SLC22A24: variants seen among roughly 807,000 people sequenced by gnomAD.
SLC22A24 encodes the protein solute carrier family 22 member 24.
In SLC22A24, 53 loss-of-function variants were observed where a neutral mutation model predicts 49.8. That is an observed-to-expected ratio of 1.06 (90% confidence interval 0.85 to 1.34). SLC22A24 has a LOEUF of 1.34. Among genes scored for constraint, SLC22A24 ranks in the 40% most tolerant of loss-of-function variants. SLC22A24 has a pLI of 0.00. For synonymous variants in SLC22A24, 302 were observed against 256.4 expected (o/e 1.18, Z -1.70); for missense variants, 786 against 675.9 (o/e 1.16, Z -1.81).
chr11:63,139,478 A>G (rs1156822767), intron 1 of SLC22A24, among the ~76,000 whole-genome samples: 2 of 152,172 alleles, frequency 1.3e-5, no homozygotes, highest in African/African-American at 2.4e-5. Flanking sequence ...GGGGATGGCT[A>G]ATAGTAGTTA....
At position 63,119,069 on chromosome 11, in the gene SLC22A24, T is replaced by A; in HGVS notation, c.673A>T (p.Thr225Ser). Residue 225 changes from threonine to serine, a missense_variant, in exon 4 of 10, where the codon ACA becomes TCA. Coordinates refer to ENST00000612278, the MANE Select transcript of SLC22A24 (RefSeq NM_001136506.2). ...GNTFILSLEW[T>S]LPRSRSMTIM... ...GTCATAGATCGTGACCGGGGCAATG[T>A]CCACTCTAAGCCTGGAAGAAAACAT... 6.5e-7 allele frequency: 1 copy of A among 1,549,308 alleles called. No individual in the cohort carries two copies. Among genetic ancestry groups the A allele is most frequent in the Non-Finnish European group, 8.7e-7 (1 of 1,145,258 alleles).
chr11:63,132,284 A>G (rs1208932553), intron 2 of SLC22A24, among the ~76,000 whole-genome samples: 2 of 152,162 alleles, frequency 1.3e-5, no homozygotes. Context: ...TACTTCTGTC[A>G]ACTTGTCAAA....
At chr11:63,081,893 T>G (rs17157742) in intron 7 of SLC22A24, among the ~76,000 whole-genome samples, 4,074 of 152,274 alleles carry the variant, frequency 0.027, 173 homozygotes, top group African/African-American at 0.093. Flanking sequence ...TTCAACTCTT[T>G]CTGCACATTT....
At chr11:63,123,872 C>T (rs1027423629) in intron 2 of SLC22A24, among the ~76,000 whole-genome samples, 1 of 152,150 alleles carries the variant, frequency 6.6e-6, no homozygotes. Flanking sequence ...ACTATTTCAA[C>T]AGCCTTTTAA....
chr11:63,092,000 A>G (rs2087023355), intron 6 of SLC22A24, among the ~76,000 whole-genome samples: 3 of 152,284 alleles, frequency 2.0e-5, no homozygotes, highest in Middle Eastern at 3.4e-3. Context: ...TATTTAGAAA[A>G]CCCCATCATC....
At chr11:63,106,145 T>C (rs1276896416) in intron 4 of SLC22A24, among the ~76,000 whole-genome samples, 2 of 143,038 alleles carry the variant, frequency 1.4e-5, no homozygotes, top group African/African-American at 5.2e-5. Context: ...TGTGTTCTCA[T>C]TGTTCAATTC....
chr11:63,089,031 C>T (rs201662650), intron 6 of SLC22A24, among the ~76,000 whole-genome samples: 1 of 152,132 alleles, frequency 6.6e-6, no homozygotes, highest in Non-Finnish European at 1.5e-5. Flanking sequence ...CTTCCCCAAC[C>T]TAGCAAGACA....
intron 2 of SLC22A24, among the ~76,000 whole-genome samples, chr11:63,127,519 G>T (rs563351140): frequency 6.6e-6 from 1 of 152,200 alleles, no homozygotes; most frequent in African/African-American, 2.4e-5. Context: ...GGGTCAAATG[G>T]TACTTCTAGT....
rs369807279 is a variant in SLC22A24 at position 63,080,870 on chromosome 11, A to G, written c.1598+50T>C. On this transcript the variant is annotated intron_variant, in intron 9 of 9. Transcript: ENST00000612278. Reference sequence around the variant, plus strand: ...CGTTGACCTTTCTCATTAAACAGCTACAGCACATAGCCACTCCCCACTCAA... The same window carrying G: ...CGTTGACCTTTCTCATTAAACAGCTGCAGCACATAGCCACTCCCCACTCAA... 9 of 1,479,632 alleles carry G rather than the reference A, an allele frequency of 6.1e-6. No individual in the cohort carries two copies. The African/African-American group carries it at 1.1e-4, about 18-fold the overall frequency. 91.7% of individuals were successfully genotyped at this position (1,479,632 alleles called of 1,614,324 possible). A position where few individuals can be genotyped will look rare whatever the true frequency, so the allele number is the denominator to read the frequency against.
chr11:63,113,191 CAT>C (rs369087892), intron 4 of SLC22A24, among the ~76,000 whole-genome samples: 58 of 4,312 alleles, frequency 0.013, 18 homozygotes, highest in Admixed American at 0.034. Context: ...TATATATACA[CAT>C]ATATATATAC....
chr11:63,131,102 CT>C (rs899341131), intron 2 of SLC22A24, among the ~76,000 whole-genome samples: 1 of 151,598 alleles, frequency 6.6e-6, no homozygotes, highest in Non-Finnish European at 1.5e-5. Flanking sequence ...GCAACCCCTG[CT>C]TTTTTTTGCT....
intron 1 of SLC22A24, among the ~76,000 whole-genome samples, chr11:63,141,491 T>A (rs1294997564): frequency 1.3e-5 from 2 of 152,196 alleles, no homozygotes; most frequent in South Asian, 2.1e-4. Flanking sequence ...TTGTAAAGAA[T>A]CAAAGTTGAC....
chr11:63,096,128 C>A (rs1374479813), intron 5 of SLC22A24, 22 bp from the exon 6 acceptor site: 12 of 1,465,142 alleles, frequency 8.2e-6, no homozygotes, highest in Non-Finnish European at 1.1e-5. Flanking sequence ...AAAATAACAA[C>A]AAGCATTTGT....
chr11:63,086,759 A>G (rs1407475535), intron 6 of SLC22A24, among the ~76,000 whole-genome samples: 1 of 152,208 alleles, frequency 6.6e-6, no homozygotes, highest in Non-Finnish European at 1.5e-5. Context: ...TAAAAATACA[A>G]TATCTCAAAA....
chr11:63,093,440 C>A (rs2087033129), intron 6 of SLC22A24, among the ~76,000 whole-genome samples: 1 of 152,088 alleles, frequency 6.6e-6, no homozygotes. Flanking sequence ...TTGGAACCAA[C>A]CCAAAGACCC....
chr11:63,112,888 G>A (rs774093282), intron 4 of SLC22A24, among the ~76,000 whole-genome samples: 1 of 150,596 alleles, frequency 6.6e-6, no homozygotes, highest in Non-Finnish European at 1.5e-5. Flanking sequence ...GGTGATGAGT[G>A]CCTGTAGTCC....
intron 2 of SLC22A24, among the ~76,000 whole-genome samples, chr11:63,127,921 T>C (rs2087303877): frequency 6.6e-6 from 1 of 152,096 alleles, no homozygotes; most frequent in Non-Finnish European, 1.5e-5. Context: ...AGGTTGCCTG[T>C]TCACTCTGAT....
At chr11:63,095,042 A>G (rs1189819074) in intron 6 of SLC22A24, among the ~76,000 whole-genome samples, 2 of 152,162 alleles carry the variant, frequency 1.3e-5, no homozygotes, top group African/African-American at 4.8e-5. Context: ...TGTTTTAGAC[A>G]TGAAGTCCTT....
At chr11:63,109,053 G>A (rs894056887) in intron 4 of SLC22A24, among the ~76,000 whole-genome samples, 3 of 142,440 alleles carry the variant, frequency 2.1e-5, no homozygotes, top group African/African-American at 5.4e-5. Context: ...GTGTCCATGT[G>A]TTCTCATTGT....
Sources: gnomAD v4.1 joint callset for allele counts (sites outside exome capture counted in the v4.1 genomes callset) on GRCh38, gnomAD v4.1.1 for gene constraint, MANE v1.5 for transcripts, NCBI Gene and HGNC (gene_info 2026-07-23, HGNC 2026-07-21) for gene names.